The following NHSL1 variants were observed in gnomAD, a reference collection of about 807,000 sequenced individuals.
NHSL1 encodes NHS-like protein 1.
A neutral mutation model predicts 95.0 loss-of-function variants in NHSL1; 48 were observed. The observed-to-expected ratio is 0.51, with a 90% CI of 0.40 to 0.64. The LOEUF (loss-of-function observed/expected upper bound fraction) is 0.64, where lower values mean the gene tolerates loss of function less well. Among genes scored for constraint, NHSL1 ranks in the 30% least tolerant of loss-of-function variants. The pLI, the probability that NHSL1 is intolerant of heterozygous loss-of-function variation, is 0.00. For missense variants in NHSL1, 1,971 were observed against 2,077.7 expected, an observed-to-expected ratio of 0.95 and a Z score of 1.00; for synonymous variants, 783 against 833.9, an observed-to-expected ratio of 0.94 and a Z score of 1.05.
At chr6:138,669,482 G>T (rs1785336834) in intron 1 of NHSL1, among the ~76,000 whole-genome samples, 1 of 152,146 alleles carries the variant, frequency 6.6e-6, no homozygotes, top group Non-Finnish European at 1.5e-5. Context: ...GAGGTGAATT[G>T]ATTTTCTTGG....
At chr6:138,464,227 C>T in intron 3 of NHSL1, 1 of 816,750 alleles carries the variant, frequency 1.2e-6, no homozygotes, top group Non-Finnish European at 2.0e-6. Context: ...TGGCCGCCAG[C>T]TTGGCCATCA....
chr6:138,565,306 C>T (rs1583417549), intron 1 of NHSL1, among the ~76,000 whole-genome samples: 1 of 152,176 alleles, frequency 6.6e-6, no homozygotes, highest in East Asian at 1.9e-4. Flanking sequence ...AGGGTTTCAC[C>T]ATGTTGGCCA....
chr6:138,610,032 T>C (rs1784487759), intron 1 of NHSL1, among the ~76,000 whole-genome samples: 1 of 152,134 alleles, frequency 6.6e-6, no homozygotes, highest in Non-Finnish European at 1.5e-5. Context: ...CAGGAAATTC[T>C]CACTTTTCTT....
chr6:138,690,672 C>T (rs1233503599), intron 1 of NHSL1, among the ~76,000 whole-genome samples: 2 of 152,092 alleles, frequency 1.3e-5, no homozygotes, highest in South Asian at 2.1e-4. Flanking sequence ...ACCCAGGAGG[C>T]GGAGGGTGCA....
At chr6:138,440,022 C>G (rs958045342) in intron 5 of NHSL1, among the ~76,000 whole-genome samples, 2 of 152,104 alleles carry the variant, frequency 1.3e-5, no homozygotes, top group Non-Finnish European at 2.9e-5. Flanking sequence ...AACTCTCATT[C>G]TAGACATCAT....
At chr6:138,603,847 C>A (rs1417912477) in intron 1 of NHSL1, among the ~76,000 whole-genome samples, 1 of 152,062 alleles carries the variant, frequency 6.6e-6, no homozygotes, top group East Asian at 1.9e-4. Flanking sequence ...AAATCACATA[C>A]CTGTACCAAC....
chr6:138,471,789 T>C (rs111711063), intron 3 of NHSL1, among the ~76,000 whole-genome samples: 2,334 of 152,288 alleles, frequency 0.015, 24 homozygotes, highest in Non-Finnish European at 0.024. Flanking sequence ...CAGTGACAGA[T>C]ACGTTAGTCT....
chr6:138,489,952 A>AGAGAG (rs1583291320), intron 2 of NHSL1, among the ~76,000 whole-genome samples: 4 of 28,634 alleles, frequency 1.4e-4, no homozygotes, highest in East Asian at 2.2e-3. Context: ...GAGGGAGAGA[A>AGAGAG]GGAGAGAGGG....
chr6:138,638,866 CT>C (rs1450428040), intron 1 of NHSL1, among the ~76,000 whole-genome samples: 1 of 152,220 alleles, frequency 6.6e-6, no homozygotes, highest in Non-Finnish European at 1.5e-5. Flanking sequence ...AAGAAAAGAG[CT>C]CACTATTTTC....
chr6:138,639,435 G>A (rs541651632), intron 1 of NHSL1, among the ~76,000 whole-genome samples: 30 of 151,828 alleles, frequency 2.0e-4, no homozygotes, highest in African/African-American at 6.3e-4. Context: ...TCAGGAGATC[G>A]AGACCATCCT....
chr6:138,478,481 T>A (rs1779226719), intron 2 of NHSL1, among the ~76,000 whole-genome samples: 2 of 152,152 alleles, frequency 1.3e-5, no homozygotes, highest in Non-Finnish European at 2.9e-5. Flanking sequence ...AAAATTCTCC[T>A]CTTGTCAAGT....
At chr6:138,639,835 T>C (rs1279955671) in intron 1 of NHSL1, among the ~76,000 whole-genome samples, 1 of 145,114 alleles carries the variant, frequency 6.9e-6, no homozygotes. Flanking sequence ...AGTTGATGTA[T>C]ATGTATATAA....
intron 2 of NHSL1, among the ~76,000 whole-genome samples, chr6:138,477,497 G>A (rs1261384796): frequency 6.6e-6 from 1 of 152,186 alleles, no homozygotes; most frequent in Non-Finnish European, 1.5e-5. Flanking sequence ...CAGCTACTCA[G>A]GAGGCTGAGG....
At chr6:138,641,679 A>G (rs1249667153) in intron 1 of NHSL1, among the ~76,000 whole-genome samples, 3 of 150,910 alleles carry the variant, frequency 2.0e-5, no homozygotes, top group Admixed American at 2.0e-4. Flanking sequence ...TGCTTTCAGT[A>G]TGCCCTATCC....
intron 1 of NHSL1, among the ~76,000 whole-genome samples, chr6:138,528,374 C>T (rs1315974243): frequency 6.6e-6 from 1 of 152,090 alleles, no homozygotes; most frequent in Non-Finnish European, 1.5e-5. Context: ...GAGTTGACAA[C>T]TGTACCAAGT....
chr6:138,489,783 GAAAGAA>G, intron 2 of NHSL1, among the ~76,000 whole-genome samples: 1 of 124,642 alleles, frequency 8.0e-6, no homozygotes, highest in Admixed American at 9.3e-5. Context: ...AAAAAAGAGA[GAAAGAA>G]AGAAAGAAAG....
At chr6:138,616,097 T>C (rs2114612940) in intron 1 of NHSL1, among the ~76,000 whole-genome samples, 1 of 152,316 alleles carries the variant, frequency 6.6e-6, no homozygotes, top group South Asian at 2.1e-4. Context: ...TTTACCAATG[T>C]CCCAGAAATA....
At chr6:138,467,917 T>C (rs1156740908) in intron 3 of NHSL1, among the ~76,000 whole-genome samples, 1 of 151,880 alleles carries the variant, frequency 6.6e-6, no homozygotes, top group Non-Finnish European at 1.5e-5. Context: ...GAAAGAAACA[T>C]ATTTCTTTTT....
chr6:138,538,498 C>T (rs1438220721), intron 1 of NHSL1, among the ~76,000 whole-genome samples: 1 of 152,164 alleles, frequency 6.6e-6, no homozygotes, highest in Admixed American at 6.5e-5. Context: ...CAGCCAGGCT[C>T]CTGTGGTCCT....
Sources: allele counts gnomAD v4.1 joint callset (sites outside exome capture counted in the v4.1 genomes callset), GRCh38; gene constraint gnomAD v4.1.1; transcripts MANE v1.5; gene names NCBI Gene and HGNC (gene_info 2026-07-23, HGNC 2026-07-21).